Variants in TNFRSF11B observed in about 807,000 individuals in gnomAD.
The protein encoded by TNFRSF11B is tumor necrosis factor receptor superfamily member 11B.
In TNFRSF11B, 16 loss-of-function variants were observed where a neutral mutation model predicts 43.4. The observed-to-expected ratio is 0.37, with a 90% CI of 0.25 to 0.56. The LOEUF is 0.56. Among genes scored for constraint, TNFRSF11B ranks in the 20% least tolerant of loss-of-function variants. The probability of loss-of-function intolerance (pLI) is 0.80; values close to 1 mark genes in which losing one functional copy is unlikely to be tolerated. For synonymous variants in TNFRSF11B, 185 were observed against 181.8 expected, an observed-to-expected ratio of 1.02 and a Z score of -0.14; for missense variants, 444 against 490.1, an observed-to-expected ratio of 0.91 and a Z score of 0.89.
At chr8:118,946,008 T>C (rs1365451003) in intron 1 of TNFRSF11B, among the ~76,000 whole-genome samples, 1 of 152,172 alleles carries the variant, frequency 6.6e-6, no homozygotes, top group Non-Finnish European at 1.5e-5. Flanking sequence ...ATTAAGACTA[T>C]AAATCTAGAG....
intron 1 of TNFRSF11B, among the ~76,000 whole-genome samples, chr8:118,941,635 T>C (rs1487567649): frequency 6.6e-6 from 1 of 152,216 alleles, no homozygotes; most frequent in Non-Finnish European, 1.5e-5. Flanking sequence ...TCATAAATGT[T>C]AGGTTGAATT....
intron 1 of TNFRSF11B, among the ~76,000 whole-genome samples, chr8:118,938,045 A>G (rs1812427646): frequency 6.6e-6 from 1 of 152,224 alleles, no homozygotes; most frequent in African/African-American, 2.4e-5. Flanking sequence ...AAATATACAA[A>G]TTTCTAATAA....
rs1414314135 is a variant in TNFRSF11B, at chr8:118,933,135, G to A, written c.196C>T (p.Pro66Ser). 1 of 1,614,198 alleles carries A rather than the reference G, an allele frequency of 6.2e-7. No homozygotes were observed. Among genetic ancestry groups the A allele is most frequent in the South Asian group, 1.1e-5 (1 of 91,080 alleles). Residue 66 changes from proline to serine, a missense_variant, in exon 2 of 5, where the codon CCT becomes TCT. Transcript: ENST00000297350. ...AKWKTVCAPC[P>S]DHYYTDSWHT... ...CAGCTGTCTGTGTAGTAGTGGTCAG[G>A]GCAAGGGGCGCACACGGTCTTCCAC... is the stretch of plus-strand genomic sequence containing the variant.
At chr8:118,929,193 A>G (rs1812291155) in intron 2 of TNFRSF11B, 1 of 492,166 alleles carries the variant, frequency 2.0e-6, no homozygotes. Flanking sequence ...TGTGAGAGGA[A>G]AGGAAAGAAG....
At chr8:118,944,485 C>T (rs998508509) in intron 1 of TNFRSF11B, among the ~76,000 whole-genome samples, 1 of 152,130 alleles carries the variant, frequency 6.6e-6, no homozygotes, top group Non-Finnish European at 1.5e-5. Context: ...GATACACAAT[C>T]CCACCAAGCT....
At chr8:118,951,569 G>C (rs1812646231) in intron 1 of TNFRSF11B, among the ~76,000 whole-genome samples, 1 of 151,782 alleles carries the variant, frequency 6.6e-6, no homozygotes. Flanking sequence ...TCTCTCTCTT[G>C]CTGTCTTCCA....
At position 118,924,614 on chromosome 8, in the gene TNFRSF11B, A is replaced by T; in HGVS notation, c.966T>A (p.Ser322Arg). 1 of 1,614,120 alleles carries T rather than the reference A, an allele frequency of 6.2e-7. No individual in the cohort carries two copies. The highest frequency in any genetic ancestry group is 8.5e-7 in the Non-Finnish European group (1 of 1,180,022). Residue 322 changes from serine (S) to arginine (R), a missense_variant, in exon 5 of 5, where the codon AGT becomes AGA. Physicochemically the swap from Ser to Arg is moderately radical, Grantham distance 110. Coordinates refer to ENST00000297350, the MANE Select transcript of TNFRSF11B (RefSeq NM_002546.4). The stretch of plus-strand genomic sequence containing the variant: ...AACTGAGCAGCTTCAGGATCTGGTC[A>T]CTGGGTTTGCATGCCTTTATTGTTT... The part of the protein sequence containing the change: ...IEKTIKACKP[S>R]DQILKLLSLW...
intron 1 of TNFRSF11B, among the ~76,000 whole-genome samples, chr8:118,934,001 A>C (rs1191254704): frequency 6.6e-6 from 1 of 152,218 alleles, no homozygotes; most frequent in Non-Finnish European, 1.5e-5. Flanking sequence ...TATTGTTTTA[A>C]AAAAGGAGAG....
intron 2 of TNFRSF11B, among the ~76,000 whole-genome samples, chr8:118,929,488 A>G (rs915610720): frequency 2.0e-5 from 3 of 152,252 alleles, no homozygotes; most frequent in African/African-American, 7.2e-5. Flanking sequence ...AGGTGGCAAT[A>G]AAGTTGGCCG....
chr8:118,947,237 AAC>A, intron 1 of TNFRSF11B, among the ~76,000 whole-genome samples: 1 of 30,214 alleles, frequency 3.3e-5, no homozygotes, highest in East Asian at 1.3e-3. Flanking sequence ...ATTCTGTTGG[AAC>A]ATCCATGGAA....
intron 3 of TNFRSF11B, among the ~76,000 whole-genome samples, chr8:118,928,012 A>ATG (rs58489703): frequency 0.17 from 24,126 of 145,072 alleles, 1,907 homozygotes; most frequent in Middle Eastern, 0.21. Context: ...CACATTTCTA[A>ATG]TGTGTGTGTG....
rs182937840 is a variant in TNFRSF11B at position 118,949,597 on chromosome 8, G to A, written c.30+2195C>T. On this transcript the variant is annotated intron_variant, in intron 1 of 4. Coordinates refer to ENST00000297350, the MANE Select transcript of TNFRSF11B (RefSeq NM_002546.4). ...GATTTTTGGTCCACATGATAACACTGCACTAGCAGCTTCCCTTATAAGGTG... is the reference window on the plus strand; with the variant it reads ...GATTTTTGGTCCACATGATAACACTACACTAGCAGCTTCCCTTATAAGGTG... 1.4e-4 allele frequency among the ~76,000 whole-genome samples: 22 copies of A among 152,302 alleles called. No homozygotes were observed. In the East Asian group the frequency reaches 4.2e-3, roughly 29 times the overall value.
At chr8:118,946,780 A>G (rs1196665661) in intron 1 of TNFRSF11B, among the ~76,000 whole-genome samples, 2 of 152,138 alleles carry the variant, frequency 1.3e-5, no homozygotes, top group Non-Finnish European at 2.9e-5. Context: ...TTTTAAAAAA[A>G]TCTCCAGCCC....
rs112290281 is a variant in TNFRSF11B, at chr8:118,935,953, C to T, written c.31-2653G>A. On this transcript the variant is annotated intron_variant, in intron 1 of 4. Transcript: ENST00000297350. ...AGGTGTGCCCATTTGTTCATCAACA[C>T]GGACTCTTCTCCCTTGCCAAAAAAT... Among the ~76,000 whole-genome samples, 1,179 of 152,264 alleles carry T rather than the reference C, an allele frequency of 7.7e-3. 8 individuals carry two copies. The highest frequency in any genetic ancestry group is 0.013 in the Non-Finnish European group (855 of 68,026).
intron 4 of TNFRSF11B, among the ~76,000 whole-genome samples, chr8:118,925,389 C>G (rs1374502611): frequency 2.0e-5 from 3 of 152,170 alleles, no homozygotes; most frequent in Admixed American, 2.0e-4. Flanking sequence ...TAAGGCAAAT[C>G]GGTTCATCTT....
chr8:118,924,245 T>A lies in TNFRSF11B; in HGVS notation c.*129A>T. ...TTCTCCACATCATAGTTTCTTTTAG[T>A]ACCCTGTGGCAAAATTAGTCACTGG... On this transcript the variant is annotated 3_prime_UTR_variant, in exon 5 of 5. Coordinates refer to ENST00000297350, the MANE Select transcript of TNFRSF11B (RefSeq NM_002546.4). 9.6e-7 allele frequency: 1 copy of A among 1,037,266 alleles called. No homozygotes were observed. The highest frequency in any genetic ancestry group is 1.5e-6 in the Non-Finnish European group (1 of 673,708). 64.3% of individuals were successfully genotyped at this position (1,037,266 alleles called of 1,614,324 possible).
intron 1 of TNFRSF11B, among the ~76,000 whole-genome samples, chr8:118,939,643 CTA>C (rs1812452015): frequency 6.6e-6 from 1 of 152,172 alleles, no homozygotes; most frequent in African/African-American, 2.4e-5. Context: ...GAGCCAATAA[CTA>C]TGAAGAAAGA....
intron 3 of TNFRSF11B, among the ~76,000 whole-genome samples, chr8:118,928,045 A>G (rs1486368069): frequency 2.1e-5 from 3 of 141,142 alleles, no homozygotes; most frequent in Non-Finnish European, 4.6e-5. Flanking sequence ...TGTGTGTGTG[A>G]TGAAATCTTG....
chr8:118,925,250 C>T (rs1434373000), intron 4 of TNFRSF11B, among the ~76,000 whole-genome samples: 2 of 152,156 alleles, frequency 1.3e-5, no homozygotes, highest in African/African-American at 4.8e-5. Flanking sequence ...AACTCAAAGA[C>T]ATGAGGTCGA....
Sources: gnomAD v4.1 joint callset for allele counts (sites outside exome capture counted in the v4.1 genomes callset) on GRCh38, gnomAD v4.1.1 for gene constraint, MANE v1.5 for transcripts, NCBI Gene and HGNC (gene_info 2026-07-23, HGNC 2026-07-21) for gene names.